DNAJC8: variants seen among roughly 807,000 people sequenced by gnomAD.
DNAJC8 encodes the protein DnaJ heat shock protein family (Hsp40) member C8, also known as dnaJ homolog subfamily C member 8.
DNAJC8 carries 24 observed loss-of-function variants against 43.2 expected under a neutral mutation model. That is an observed-to-expected ratio of 0.56 (90% CI 0.40 to 0.78). The LOEUF is 0.78. Among genes scored for constraint, DNAJC8 ranks in the 30% least tolerant of loss-of-function variants. The pLI, the probability that DNAJC8 is intolerant of heterozygous loss-of-function variation, is 0.00. For missense variants in DNAJC8, 207 were observed against 299.4 expected, an observed-to-expected ratio of 0.69 and a Z score of 2.28; for synonymous variants, 83 against 98.0, an observed-to-expected ratio of 0.85 and a Z score of 0.90.
intron 1 of DNAJC8, among the ~76,000 whole-genome samples, chr1:28,232,351 C>A (rs1439167967): frequency 2.0e-5 from 3 of 152,120 alleles, no homozygotes; most frequent in African/African-American, 7.2e-5. Context: ...GCTGGAGATG[C>A]GATAGTAAAG....
At chr1:28,229,454 C>T (rs1380337725) in intron 1 of DNAJC8, among the ~76,000 whole-genome samples, 1 of 149,444 alleles carries the variant, frequency 6.7e-6, no homozygotes, top group East Asian at 2.0e-4. Flanking sequence ...TGTGATTATA[C>T]TTCATTTATA....
intron 2 of DNAJC8, among the ~76,000 whole-genome samples, chr1:28,216,087 G>A (rs59241154): frequency 0.089 from 13,458 of 151,876 alleles, 1,067 homozygotes; most frequent in African/African-American, 0.21. Context: ...AGTGGCTCAC[G>A]CCTGTAATCC....
rs1283543962 is a variant in DNAJC8 at position 28,227,177 on chromosome 1, G to A, written c.180+1745C>T. Among the ~76,000 whole-genome samples, 2 of 135,224 alleles carry A rather than the reference G, an allele frequency of 1.5e-5. 1 individual carries two copies. The highest frequency in any genetic ancestry group is 3.1e-5 in the Non-Finnish European group (2 of 64,302). 88.7% of individuals were successfully genotyped at this position (135,224 alleles called of 152,430 possible). On this transcript the variant is annotated intron_variant, in intron 2 of 8. Transcript: ENST00000263697. ...TAATCCTAGCACTTTGGGAGGCCGC[G>A]ACAGGTGGATCGCCTGAGCTCAGGA...
rs1480406468 is a variant in DNAJC8, at chr1:28,212,184, T to A, written c.238-1547A>T. Among the ~76,000 whole-genome samples, 367 of 57,826 alleles carry A rather than the reference T, an allele frequency of 6.3e-3. 17 individuals are homozygous for A. The highest frequency in any genetic ancestry group is 9.2e-3 in the South Asian group (18 of 1,958). 37.9% of individuals were successfully genotyped at this position (57,826 alleles called of 152,430 possible). On this transcript the variant is annotated intron_variant, in intron 3 of 8. Coordinates refer to ENST00000263697, the MANE Select transcript of DNAJC8 (RefSeq NM_014280.3). ...AAATAAATAAATATATATATATATA[T>A]ATATATATATATATATATATATATA...
At chr1:28,202,661 A>G (rs1295838086) in intron 8 of DNAJC8, among the ~76,000 whole-genome samples, 16 of 147,350 alleles carry the variant, frequency 1.1e-4, no homozygotes, top group Non-Finnish European at 2.4e-4. Flanking sequence ...GCTCACTGCA[A>G]GCTCCACCTC....
At chr1:28,232,738 CG>C (rs1408460129) in intron 1 of DNAJC8, among the ~76,000 whole-genome samples, 182 bp downstream of exon 1, 21 of 152,264 alleles carry the variant, frequency 1.4e-4, no homozygotes, top group African/African-American at 4.1e-4. Context: ...TTCGTTGCCC[CG>C]GGGGATCTCC....
chr1:28,206,854 T>C (rs1309026967), intron 6 of DNAJC8, among the ~76,000 whole-genome samples: 3 of 152,172 alleles, frequency 2.0e-5, no homozygotes, highest in Non-Finnish European at 2.9e-5. Context: ...TTCTCTTTTA[T>C]CCTGTTACCT....
chr1:28,200,324 T>C lies in DNAJC8; in HGVS notation c.*924A>G. The C allele has an allele frequency of 2.8e-6, 1 of 363,544 alleles. No homozygotes were observed. The highest frequency in any genetic ancestry group is 5.4e-6 in the Non-Finnish European group (1 of 185,220). 22.5% of individuals were successfully genotyped at this position (363,544 alleles called of 1,614,324 possible). A position where few individuals can be genotyped will look rare whatever the true frequency, so the allele number is the denominator to read the frequency against. ...ATCCTCAAAACAATCAGTATCTTCATTTTACACAGAAATAATAGGATATTG... is the reference window on the plus strand; with the variant it reads ...ATCCTCAAAACAATCAGTATCTTCACTTTACACAGAAATAATAGGATATTG... On this transcript the variant is annotated 3_prime_UTR_variant, in exon 9 of 9. Coordinates refer to ENST00000263697, the MANE Select transcript of DNAJC8 (RefSeq NM_014280.3).
chr1:28,201,487 C>T (rs1646732923), intron 8 of DNAJC8, 117 bp from the exon 9 acceptor site: 5 of 1,485,472 alleles, frequency 3.4e-6, no homozygotes, highest in East Asian at 2.3e-5. Context: ...TCTGGAATAA[C>T]CCAAGAGTAG....
At chr1:28,218,993 C>T (rs1196833162) in intron 2 of DNAJC8, among the ~76,000 whole-genome samples, 1 of 151,972 alleles carries the variant, frequency 6.6e-6, no homozygotes, top group Non-Finnish European at 1.5e-5. Flanking sequence ...CCAGAAGGCG[C>T]CCAAATAAAT....
At chr1:28,229,236 T>C (rs998518405) in intron 1 of DNAJC8, among the ~76,000 whole-genome samples, 2 of 152,200 alleles carry the variant, frequency 1.3e-5, no homozygotes, top group African/African-American at 4.8e-5. Context: ...AACAACCCTA[T>C]GTGGTAGATA....
At chr1:28,210,484 AAC>A in intron 4 of DNAJC8, 85 bp downstream of exon 4, 1 of 1,209,588 alleles carries the variant, frequency 8.3e-7, no homozygotes, top group Non-Finnish European at 1.2e-6. Flanking sequence ...ACAAAACTAT[AAC>A]AGTCTTTGCT....
chr1:28,229,103 T>C (rs1304581434), intron 1 of DNAJC8, 80 bp from the exon 2 acceptor site: 15 of 1,173,422 alleles, frequency 1.3e-5, no homozygotes, highest in Admixed American at 4.1e-5. Context: ...TTCACTGATA[T>C]GTTCAACAAA....
At chr1:28,218,776 A>C (rs1300238948) in intron 2 of DNAJC8, among the ~76,000 whole-genome samples, 2 of 152,108 alleles carry the variant, frequency 1.3e-5, no homozygotes, top group African/African-American at 4.8e-5. Context: ...ATGGTGGTGC[A>C]TGAAAATGAG....
chr1:28,208,575 A>G, intron 5 of DNAJC8, 162 bp from the exon 6 acceptor site: 1 of 399,398 alleles, frequency 2.5e-6, no homozygotes, highest in Non-Finnish European at 4.4e-6. Context: ...CAAAAGAACA[A>G]CAGAATCAAG....
At chr1:28,213,479 T>C (rs987715490) in intron 3 of DNAJC8, among the ~76,000 whole-genome samples, 1 of 151,776 alleles carries the variant, frequency 6.6e-6, no homozygotes, top group African/African-American at 2.4e-5. Context: ...TAACTGTAGA[T>C]CAGAAAATGA....
chr1:28,217,358 C>T (rs1646863680), intron 2 of DNAJC8, among the ~76,000 whole-genome samples: 1 of 152,034 alleles, frequency 6.6e-6, no homozygotes, highest in South Asian at 2.1e-4. Flanking sequence ...CAGTGGCTCA[C>T]GCTTGCAATC....
At chr1:28,207,463 A>G (rs1646777377) in intron 6 of DNAJC8, among the ~76,000 whole-genome samples, 2 of 151,526 alleles carry the variant, frequency 1.3e-5, no homozygotes, top group South Asian at 2.1e-4. Flanking sequence ...TTGTTGTTTT[A>G]AGACAGAGTC....
rs1646727847 is a variant in DNAJC8 at position 28,200,725 on chromosome 1, A to C, written c.*523T>G. On this transcript the variant is annotated 3_prime_UTR_variant, in exon 9 of 9. Coordinates refer to ENST00000263697, the MANE Select transcript of DNAJC8 (RefSeq NM_014280.3). The stretch of plus-strand genomic sequence containing the variant: ...TCAGTAGACAGGGGGCACATGCCAA[A>C]CACCACAGGGCATCAGATGCTGCTC... 2.2e-6 allele frequency: 1 copy of C among 453,894 alleles called. No individual in the cohort carries two copies. Among genetic ancestry groups the C allele is most frequent in the African/African-American group, 2.0e-5 (1 of 50,014 alleles). 28.1% of individuals were successfully genotyped at this position (453,894 alleles called of 1,614,324 possible).
Sources: gnomAD v4.1 joint callset for allele counts (sites outside exome capture counted in the v4.1 genomes callset) on GRCh38, gnomAD v4.1.1 for gene constraint, MANE v1.5 for transcripts, NCBI Gene and HGNC (gene_info 2026-07-23, HGNC 2026-07-21) for gene names.